DMXL2: variants seen among roughly 807,000 people sequenced by gnomAD.
The protein encoded by DMXL2 is Dmx like 2.
In DMXL2, 103 loss-of-function variants were observed where a neutral mutation model predicts 331.1. The ratio of observed to expected loss-of-function variants is 0.31; its 90% CI spans 0.27 to 0.37. DMXL2 has a LOEUF of 0.37. Ranked by LOEUF, DMXL2 falls within the 10% of genes least tolerant of loss-of-function variation. DMXL2 has a pLI of 1.00. For missense variants in DMXL2, 3,171 were observed against 3,642.9 expected (o/e 0.87, Z 3.33); for synonymous variants, 1,281 against 1,252.1 (o/e 1.02, Z -0.49).
intron 13 of DMXL2, among the ~76,000 whole-genome samples, chr15:51,519,633 C>CG (rs1567060228): frequency 1.4e-4 from 17 of 118,322 alleles, no homozygotes; most frequent in African/African-American, 5.6e-4. Context: ...GACAAAGTCT[C>CG]TTGTTTTTTT....
intron 43 of DMXL2, 96 bp from the exon 44 acceptor site, chr15:51,449,289 AG>A (rs1219877352): frequency 3.3e-6 from 4 of 1,194,172 alleles, no homozygotes; most frequent in Non-Finnish European, 4.8e-6. Context: ...ATCTCACTAA[AG>A]CCCAACCTTC....
intron 33 of DMXL2, chr15:51,459,920 ATACAGT>A (rs1476826673): frequency 9.0e-7 from 1 of 1,107,748 alleles, no homozygotes; most frequent in Admixed American, 4.3e-5. Context: ...AGTTATCTGT[ATACAGT>A]TTTAAGAAAT....
Position 51,464,267 on chromosome 15 carries a change from C to T in DMXL2, c.7808+408G>A, listed in dbSNP as rs186347714. Among the ~76,000 whole-genome samples, 18 of 152,152 alleles carry T rather than the reference C, an allele frequency of 1.2e-4. No homozygotes were observed. In the South Asian group the frequency reaches 1.7e-3, roughly 14 times the overall value. ...AAATACAAAAAAAATTAGCCGATGG[C>T]GCTCGCCTGTTGTTCCAGCTACTCA... On this transcript the variant is annotated intron_variant, in intron 32 of 43. Transcript: ENST00000560891.
chr15:51,560,117 G>A (rs764080039), intron 6 of DMXL2, among the ~76,000 whole-genome samples: 9 of 152,068 alleles, frequency 5.9e-5, no homozygotes, highest in Non-Finnish European at 1.3e-4. Flanking sequence ...AATTATAAGA[G>A]ATTAAAATTT....
Position 51,481,257 on chromosome 15 carries a change from A to C in DMXL2, c.5849T>G (p.Ile1950Ser). 1 of 1,613,932 alleles carries C rather than the reference A, an allele frequency of 6.2e-7. No individual in the cohort carries two copies. Among genetic ancestry groups the C allele is most frequent in the Non-Finnish European group, 8.5e-7 (1 of 1,179,928 alleles). ...TGATGAAGTTACATTTGACCATTCA[A>C]TGCCAGAACTTCCATTGCCATCACT... is the stretch of plus-strand genomic sequence containing the variant. ...ALSDGNGSSG[I>S]EWSNVTSSQY... Residue 1950 changes from isoleucine (I) to serine (S), a missense_variant, in exon 24 of 44, where the codon ATT becomes AGT. By Grantham distance (142) the Ile-to-Ser change is moderately radical. Coordinates refer to ENST00000560891, the MANE Select transcript of DMXL2 (RefSeq NM_001378457.1).
chr15:51,622,583 C>A lies in DMXL2; in HGVS notation c.-38G>T. 6.5e-7 allele frequency: 1 copy of A among 1,530,186 alleles called. No homozygotes were observed. Among genetic ancestry groups the A allele is most frequent in the South Asian group, 1.2e-5 (1 of 82,308 alleles). 94.8% of individuals were successfully genotyped at this position (1,530,186 alleles called of 1,614,324 possible). On this transcript the variant is annotated 5_prime_UTR_variant, in exon 1 of 44. Coordinates refer to ENST00000560891, the MANE Select transcript of DMXL2 (RefSeq NM_001378457.1). ...GGCTGGACAGAATGCGCGGGAGGTGCGACAAGCTCCGCGCCTGACCCTCCT... is the reference window on the plus strand; with the variant it reads ...GGCTGGACAGAATGCGCGGGAGGTGAGACAAGCTCCGCGCCTGACCCTCCT...
chr15:51,562,612 A>G (rs961778752), intron 6 of DMXL2, among the ~76,000 whole-genome samples: 2 of 152,166 alleles, frequency 1.3e-5, no homozygotes, highest in Admixed American at 1.3e-4. Context: ...TATACTGAGA[A>G]AAGAGTCAAA....
chr15:51,583,106 C>CTTTTTTTTTTTTTTTTTTTTTTT (rs57226377), intron 1 of DMXL2, among the ~76,000 whole-genome samples: 2 of 87,180 alleles, frequency 2.3e-5, no homozygotes, highest in Non-Finnish European at 4.9e-5. Flanking sequence ...CTTCATTCTT[C>CTTTTTTTTTTTTTTTTTTTTTTT]TTTTTTTTTT....
chr15:51,475,127 T>G (rs1027951953), intron 27 of DMXL2, among the ~76,000 whole-genome samples: 2 of 152,116 alleles, frequency 1.3e-5, no homozygotes, highest in African/African-American at 4.8e-5. Flanking sequence ...TCTTGATATC[T>G]CCTACTGAGA....
intron 1 of DMXL2, among the ~76,000 whole-genome samples, chr15:51,611,960 G>C (rs1210942725): frequency 1.3e-5 from 2 of 152,278 alleles, no homozygotes; most frequent in East Asian, 1.9e-4. Context: ...AACCCGCTCG[G>C]GTCCCCTTCC....
At chr15:51,592,389 C>A (rs1028211704) in intron 1 of DMXL2, among the ~76,000 whole-genome samples, 10 of 152,274 alleles carry the variant, frequency 6.6e-5, no homozygotes, top group African/African-American at 2.4e-4. Flanking sequence ...AAGAAACGAA[C>A]AAAGCCTCCA....
rs2050078244 is a variant in DMXL2, at chr15:51,563,279, T to A, written c.567+102A>T. 4 of 968,720 alleles carry A rather than the reference T, an allele frequency of 4.1e-6. No individual in the cohort carries two copies. In the East Asian group the frequency reaches 8.7e-5, roughly 21 times the overall value. The allele number at this position is 968,720 out of a possible 1,614,324, so 60.0% of individuals were successfully genotyped here. On this transcript the variant is annotated intron_variant, in intron 6 of 43. Coordinates refer to ENST00000560891, the MANE Select transcript of DMXL2 (RefSeq NM_001378457.1). ...TCAGGCCAGCTTTGCCAAGGAGGAT[T>A]ATCCCAGTTTTACAGATGAGAAAAC...
Position 51,536,188 on chromosome 15 carries a change from A to G in DMXL2, c.2292T>C (p.Thr764=). 1.3e-6 allele frequency: 2 copies of G among 1,594,174 alleles called. No individual in the cohort carries two copies. The highest frequency in any genetic ancestry group is 1.7e-6 in the Non-Finnish European group (2 of 1,171,712). ...TACCTAGACAGTAACTGGGAATGAG[A>G]GTTGGAAGCCAAGCCACATTAGAGA... The part of the protein sequence containing the change: ...SAFSNVAWLP[T]LIPSYCLGTY... Residue 764 remains threonine, a synonymous_variant, in exon 12 of 44, where the codon ACT becomes ACC. Transcript: ENST00000560891.
At chr15:51,526,954 G>C (rs1195292169) in intron 13 of DMXL2, among the ~76,000 whole-genome samples, 1 of 152,162 alleles carries the variant, frequency 6.6e-6, no homozygotes, top group Non-Finnish European at 1.5e-5. Flanking sequence ...TAAAGAAAGA[G>C]GTAGGGGTGG....
chr15:51,563,299 G>A, intron 6 of DMXL2, 82 bp downstream of exon 6: 8 of 1,193,134 alleles, frequency 6.7e-6, no homozygotes, highest in Non-Finnish European at 9.4e-6. Flanking sequence ...TTACAGATGA[G>A]AAAACTGAAA....
At position 51,502,963 on chromosome 15, in the gene DMXL2, A is replaced by G. The variant is rs778624147; in HGVS notation, c.2835T>C (p.Ser945=). Residue 945 remains serine, a synonymous_variant, in exon 17 of 44, where the codon TCT becomes TCC. Coordinates refer to ENST00000560891, the MANE Select transcript of DMXL2 (RefSeq NM_001378457.1). Reference sequence around the variant, plus strand: ...GGCTCACACTAGGAGAGGTTTCTGGAGAAGAATCTACGTTCTTCTGTCCAG... The same window carrying G: ...GGCTCACACTAGGAGAGGTTTCTGGGGAAGAATCTACGTTCTTCTGTCCAG... The part of the protein sequence containing the change: ...SVPGQKNVDS[S]PETSPSVSPM... 26 of 1,613,976 alleles carry G rather than the reference A, an allele frequency of 1.6e-5. No homozygotes were observed. The highest frequency in any genetic ancestry group is 6.8e-6 in the Non-Finnish European group (8 of 1,179,942).
At chr15:51,581,974 T>C (rs550046304) in intron 1 of DMXL2, among the ~76,000 whole-genome samples, 11 of 152,298 alleles carry the variant, frequency 7.2e-5, no homozygotes, top group African/African-American at 2.4e-4. Context: ...AAGAATACTA[T>C]ATCAAGAGTG....
intron 2 of DMXL2, among the ~76,000 whole-genome samples, chr15:51,573,884 AT>A (rs1362729509): frequency 1.3e-5 from 2 of 152,236 alleles, no homozygotes; most frequent in African/African-American, 4.8e-5. Flanking sequence ...CATATTTTTC[AT>A]AAGAATTTTA....
chr15:51,574,320 C>A (rs2050869225), intron 2 of DMXL2, among the ~76,000 whole-genome samples: 1 of 152,184 alleles, frequency 6.6e-6, no homozygotes. Context: ...AGTTCACTCT[C>A]CTCTTGGTAA....
Sources: allele counts gnomAD v4.1 joint callset (sites outside exome capture counted in the v4.1 genomes callset), GRCh38; gene constraint gnomAD v4.1.1; transcripts MANE v1.5; gene names NCBI Gene and HGNC (gene_info 2026-07-23, HGNC 2026-07-21).